CIITA: variants seen among roughly 807,000 people sequenced by gnomAD.
CIITA encodes the protein MHC class II transactivator.
CIITA carries 72 observed loss-of-function variants against 115.1 expected under a neutral mutation model. The observed-to-expected ratio is 0.63, with a 90% CI of 0.52 to 0.76. CIITA has a LOEUF of 0.76. CIITA is among the 30% of genes least tolerant of loss of function. The pLI is 0.00. For synonymous variants in CIITA, 763 were observed against 635.6 expected, an observed-to-expected ratio of 1.20 and a Z score of -3.02; for missense variants, 1,617 against 1,463.8, an observed-to-expected ratio of 1.10 and a Z score of -1.71.
intron 1 of CIITA, among the ~76,000 whole-genome samples, chr16:10,893,896 A>C (rs569821244): frequency 6.7e-6 from 1 of 148,764 alleles, no homozygotes; most frequent in East Asian, 2.0e-4. Context: ...CCATCCCCAC[A>C]GTCAATTTTA....
At chr16:10,910,566 C>T (rs1283731821) in intron 13 of CIITA, among the ~76,000 whole-genome samples, 1 of 152,228 alleles carries the variant, frequency 6.6e-6, no homozygotes, top group Non-Finnish European at 1.5e-5. Flanking sequence ...CTAATCAACT[C>T]CCCTCTGGAG....
intron 1 of CIITA, among the ~76,000 whole-genome samples, chr16:10,881,848 G>C (rs1025078295): frequency 1.3e-4 from 20 of 152,050 alleles, no homozygotes; most frequent in Non-Finnish European, 2.9e-4. Context: ...CTTCCACCCA[G>C]CTCGTGGTAA....
At chr16:10,889,707 CG>C (rs1567378664) in intron 1 of CIITA, among the ~76,000 whole-genome samples, 1 of 151,956 alleles carries the variant, frequency 6.6e-6, no homozygotes, top group Non-Finnish European at 1.5e-5. Flanking sequence ...TTAGTAGAGA[CG>C]GGATTTCACC....
At chr16:10,905,511 A>C (rs1256309502) in intron 10 of CIITA, among the ~76,000 whole-genome samples, 4 of 152,248 alleles carry the variant, frequency 2.6e-5, no homozygotes, top group Non-Finnish European at 5.9e-5. Flanking sequence ...CTGTAATCCC[A>C]GCACTTTGGG....
At chr16:10,893,580 A>T (rs2037810061) in intron 1 of CIITA, among the ~76,000 whole-genome samples, 2 of 152,190 alleles carry the variant, frequency 1.3e-5, no homozygotes, top group South Asian at 4.1e-4. Flanking sequence ...CCGAGGAGAC[A>T]GGCGGATCAC....
intron 1 of CIITA, among the ~76,000 whole-genome samples, chr16:10,871,838 C>T (rs543333579): frequency 3.6e-4 from 55 of 152,226 alleles, no homozygotes; most frequent in Non-Finnish European, 6.8e-4. Flanking sequence ...CCCCAGGAAC[C>T]ACAGAAGGAG....
At chr16:10,868,914 C>G (rs1223461018) in intron 1 of CIITA, among the ~76,000 whole-genome samples, 1 of 152,218 alleles carries the variant, frequency 6.6e-6, no homozygotes, top group African/African-American at 2.4e-5. Context: ...TCTTTCTGCC[C>G]TCCAGCCAGC....
Position 10,916,388 on chromosome 16 carries a change from C to T in CIITA, c.2991C>T (p.Asn997=), listed in dbSNP as rs1240628207. The T allele has an allele frequency of 1.2e-6, 2 of 1,613,938 alleles. No individual in the cohort carries two copies. Among genetic ancestry groups the T allele is most frequent in the Non-Finnish European group, 1.7e-6 (2 of 1,179,928 alleles). ...GCAGCCTGGATGCGCTGAGTGAGAA[C>T]AAGATCGGGGACGAGGGTGTCTCGC... The part of the protein sequence containing the change: ...QHLDLDALSE[N]KIGDEGVSQL... The change falls in exon 15 of 20, where the codon AAC becomes AAT. Residue 997 remains asparagine (N), a synonymous_variant. Coordinates refer to ENST00000324288, the MANE Select transcript of CIITA (RefSeq NM_000246.4).
At chr16:10,877,062 G>A (rs1449491478), upstream of CIITA, 2 of 590,934 alleles carry the variant, frequency 3.4e-6, no homozygotes, top group East Asian at 2.8e-5. Context: ...GCTTAAGGGA[G>A]TGTGGTAAAA....
chr16:10,894,732 C>T (rs927723387), intron 1 of CIITA, among the ~76,000 whole-genome samples: 4 of 152,186 alleles, frequency 2.6e-5, no homozygotes, highest in African/African-American at 9.7e-5. Context: ...CTCAAGTCCA[C>T]CCAAAGCAGT....
intron 13 of CIITA, among the ~76,000 whole-genome samples, chr16:10,914,523 A>C (rs2039817045): frequency 6.6e-6 from 1 of 152,254 alleles, no homozygotes; most frequent in Admixed American, 6.5e-5. Context: ...TGATCATTCT[A>C]ATATTGAAAA....
At chr16:10,884,202 C>A (rs2036704347) in intron 1 of CIITA, among the ~76,000 whole-genome samples, 1 of 139,538 alleles carries the variant, frequency 7.2e-6, no homozygotes, top group Non-Finnish European at 1.5e-5. Context: ...GGATTGCAGC[C>A]AATTTTAATT....
chr16:10,911,514 C>T (rs548482960), intron 13 of CIITA, among the ~76,000 whole-genome samples: 47 of 145,948 alleles, frequency 3.2e-4, no homozygotes, highest in African/African-American at 1.0e-3. Context: ...CCTTCCCTCC[C>T]TTCCTTCTCT....
intron 16 of CIITA, 84 bp downstream of exon 16, chr16:10,918,610 GA>G: frequency 8.5e-7 from 1 of 1,173,088 alleles, no homozygotes; most frequent in Non-Finnish European, 1.3e-6. Flanking sequence ...GGCTGCAGGG[GA>G]CACTGAGACC....
intron 1 of CIITA, among the ~76,000 whole-genome samples, chr16:10,889,977 C>T (rs1337704210): frequency 6.6e-6 from 1 of 152,220 alleles, no homozygotes; most frequent in Non-Finnish European, 1.5e-5. Context: ...ACACTCTACC[C>T]TGCCTTTTCC....
Position 10,907,435 on chromosome 16 carries a change from C to T in CIITA, c.1943C>T (p.Ala648Val). 6.2e-7 allele frequency: 1 copy of T among 1,613,030 alleles called. No homozygotes were observed. The highest frequency in any genetic ancestry group is 8.5e-7 in the Non-Finnish European group (1 of 1,179,826). Residue 648 changes from alanine to valine, a missense_variant, in exon 11 of 20, where the codon GCA (alanine) becomes GTA (valine). Transcript: ENST00000324288. This position sits in a 1 kb window ranked among gnomAD's most constrained non-coding sequence, Gnocchi z 5.0. ...TGLYVGLLGRAALDSPPGALA... is the reference protein window; with the variant it reads ...TGLYVGLLGRVALDSPPGALA... ...CTCTATGTCGGCCTGCTGGGCCGTG[C>T]AGCCCTCGACAGCCCCCCCGGGGCC...
Position 10,918,518 on chromosome 16 carries a change from C to G in CIITA, c.3141C>G (p.Leu1047=). The G allele has an allele frequency of 6.2e-7, 1 of 1,614,084 alleles. No individual in the cohort carries two copies. Among genetic ancestry groups the G allele is most frequent in the Non-Finnish European group, 8.5e-7 (1 of 1,180,004 alleles). ...TGCCTTCGCTCGCTGCATCCCTGCTCAGGCTAAGGTGAGTGGGGCCCCGGA... is the reference window on the plus strand; with the variant it reads ...TGCCTTCGCTCGCTGCATCCCTGCTGAGGCTAAGGTGAGTGGGGCCCCGGA... ...EALPSLAASL[L]RLSLYNNCIC... is the part of the protein sequence containing the mutation. The change falls in exon 16 of 20, where the codon CTC becomes CTG. Residue 1047 remains leucine, a synonymous_variant. Coordinates refer to ENST00000324288, the MANE Select transcript of CIITA (RefSeq NM_000246.4).
chr16:10,901,109 C>G lies in CIITA; in HGVS notation c.437-405C>G, dbSNP rs539840823. 2.6e-5 allele frequency among the ~76,000 whole-genome samples: 4 copies of G among 152,294 alleles called. No homozygotes were observed. Among genetic ancestry groups the G allele is most frequent in the African/African-American group, 9.6e-5 (4 of 41,560 alleles). On this transcript the variant is annotated intron_variant, in intron 5 of 19. Transcript: ENST00000324288. The surrounding 1 kb of genome is among the most constrained non-coding windows in gnomAD (Gnocchi z 6.8). ...GCTGTGAGTGCTTGATACTCACTCA[C>G]TGATTTCTGGCATACTCCTGCAATG...
downstream of CIITA, chr16:10,939,424 T>A (rs1444121215): frequency 6.6e-6 from 1 of 152,234 alleles, no homozygotes; most frequent in Non-Finnish European, 1.5e-5. This position sits in a 1 kb window ranked among gnomAD's most constrained non-coding sequence, Gnocchi z 4.9. Flanking sequence ...GCCTTCCAGG[T>A]CCTCCATGGT....
Sources: allele counts gnomAD v4.1 joint callset (sites outside exome capture counted in the v4.1 genomes callset), GRCh38; gene constraint gnomAD v4.1.1; non-coding constraint Gnocchi (gnomAD v3.1); transcripts MANE v1.5; gene names NCBI Gene and HGNC (gene_info 2026-07-23, HGNC 2026-07-21).